DDX60L: variants seen among roughly 807,000 people sequenced by gnomAD.
DDX60L encodes the protein DExD/H-box 60 like.
In DDX60L, 191 loss-of-function variants were observed where a neutral mutation model predicts 211.6. That is an observed-to-expected ratio of 0.90 (90% CI 0.80 to 1.02). The LOEUF (loss-of-function observed/expected upper bound fraction) is 1.02, where lower values mean the gene tolerates loss of function less well. DDX60L is among the 50% of genes least tolerant of loss of function. The pLI, the probability that DDX60L is intolerant of heterozygous loss-of-function variation, is 0.00. For synonymous variants in DDX60L, 706 were observed against 694.1 expected, an observed-to-expected ratio of 1.02 and a Z score of -0.27; for missense variants, 2,007 against 1,984.1, an observed-to-expected ratio of 1.01 and a Z score of -0.22.
At chr4:168,396,223 A>T (rs1745763733) in intron 26 of DDX60L, 99 bp from the exon 27 acceptor site, 1 of 674,752 alleles carries the variant, frequency 1.5e-6, no homozygotes, top group Non-Finnish European at 2.4e-6. Flanking sequence ...TGGTCATCCG[A>T]CGTTGACAGT....
chr4:168,369,858 C>T (rs999024833), intron 36 of DDX60L, among the ~76,000 whole-genome samples: 1 of 152,008 alleles, frequency 6.6e-6, no homozygotes, highest in Non-Finnish European at 1.5e-5. Flanking sequence ...CAATCAAAAC[C>T]ACCATCAAAT....
At chr4:168,431,187 T>C (rs1014357818) in intron 12 of DDX60L, among the ~76,000 whole-genome samples, 1 of 152,162 alleles carries the variant, frequency 6.6e-6, no homozygotes, top group Non-Finnish European at 1.5e-5. Context: ...AGCTGACAGA[T>C]GCTGATACCA....
At chr4:168,461,511 GA>G (rs1359674092) in intron 5 of DDX60L, among the ~76,000 whole-genome samples, 187 bp downstream of exon 5, 1 of 152,050 alleles carries the variant, frequency 6.6e-6, no homozygotes, top group Non-Finnish European at 1.5e-5. Flanking sequence ...GAGAAATTTA[GA>G]AAAAGGAATT....
chr4:168,458,649 G>C (rs1184862616), intron 5 of DDX60L, among the ~76,000 whole-genome samples: 1 of 152,144 alleles, frequency 6.6e-6, no homozygotes, highest in East Asian at 1.9e-4. Flanking sequence ...ACTAGGGCCT[G>C]TTGGGGGAAC....
chr4:168,377,174 C>G (rs962254533), intron 33 of DDX60L, among the ~76,000 whole-genome samples: 3 of 152,084 alleles, frequency 2.0e-5, no homozygotes, highest in African/African-American at 7.2e-5. Flanking sequence ...AGCCTGTAAT[C>G]CCAGCTACTT....
At chr4:168,469,447 T>A (rs1046619777) in intron 4 of DDX60L, 8 of 152,190 alleles carry the variant, frequency 5.3e-5, no homozygotes, top group Admixed American at 4.6e-4. Flanking sequence ...GAATTATTAA[T>A]AAATATAGGA....
At chr4:168,438,095 G>A (rs1231450829) in intron 10 of DDX60L, among the ~76,000 whole-genome samples, 2 of 152,018 alleles carry the variant, frequency 1.3e-5, no homozygotes, top group Non-Finnish European at 2.9e-5. Flanking sequence ...GGATGGTCTC[G>A]ATCTCCTGAC....
chr4:168,422,999 G>GTGTGTGTGTGTGTGTGTGTGTGTT (rs551448406), intron 15 of DDX60L, among the ~76,000 whole-genome samples: 1 of 137,510 alleles, frequency 7.3e-6, no homozygotes, highest in African/African-American at 2.8e-5. Flanking sequence ...GTGTGTGTGT[G>GTGTGTGTGTGTGTGTGTGTGTGTT]TTGTAGAGAC....
At chr4:168,404,424 G>A (rs1261817333) in intron 24 of DDX60L, among the ~76,000 whole-genome samples, 1 of 151,962 alleles carries the variant, frequency 6.6e-6, no homozygotes, top group Non-Finnish European at 1.5e-5. Context: ...GTGACAAAGG[G>A]TTTCTCCAGT....
At chr4:168,424,591 T>C (rs1424650667) in intron 14 of DDX60L, among the ~76,000 whole-genome samples, 1 of 152,100 alleles carries the variant, frequency 6.6e-6, no homozygotes, top group Admixed American at 6.6e-5. Flanking sequence ...AACAGATCAG[T>C]AAAATATCTA....
intron 5 of DDX60L, among the ~76,000 whole-genome samples, chr4:168,460,499 AG>A (rs1469634756): frequency 6.6e-6 from 1 of 152,164 alleles, no homozygotes; most frequent in Non-Finnish European, 1.5e-5. Flanking sequence ...CTTGCTTTCC[AG>A]GATCTGGGCG....
rs1258191140 is a variant in DDX60L at position 168,422,522 on chromosome 4, ACCTG to A, written c.2242_2244+1del. ...GAAAAGTACAATGTTTGTTGTCATT[ACCTG>A]CCATGCGTTGGGAATAAAATCCTGG... is the stretch of plus-strand genomic sequence containing the variant. On this transcript the variant is annotated splice_donor_variant and coding_sequence_variant, in exon 16 of 38. Transcript: ENST00000682922. LOFTEE classifies it high-confidence loss of function. 3.7e-6 allele frequency: 6 copies of A among 1,606,396 alleles called. No individual in the cohort carries two copies. The South Asian group carries it at 5.6e-5, about 15-fold the overall frequency.
intron 29 of DDX60L, chr4:168,390,075 C>A: frequency 2.1e-6 from 2 of 951,332 alleles, no homozygotes; most frequent in Non-Finnish European, 2.5e-6. Flanking sequence ...TGCCACCTGA[C>A]CCTCGAGAAA....
At chr4:168,461,018 C>T (rs531367217) in intron 5 of DDX60L, among the ~76,000 whole-genome samples, 36 of 152,254 alleles carry the variant, frequency 2.4e-4, no homozygotes, top group Admixed American at 6.5e-4. Context: ...CCTGGGTGCA[C>T]CACCCTCCCA....
At position 168,471,794 on chromosome 4, in the gene DDX60L, C is replaced by A. The variant is rs767225895; in HGVS notation, c.217G>T (p.Val73Leu). The A allele has an allele frequency of 1.9e-6, 3 of 1,612,362 alleles. No individual in the cohort carries two copies. The highest frequency in any genetic ancestry group is 1.7e-6 in the Non-Finnish European group (2 of 1,179,614). ...HFFYLVECYL[V>L]DLLSNGGQFT... Reference sequence around the variant, plus strand: ...TGTCCTCCGTTACTCAGAAGATCCACAAGATAGCATTCAACCAGATAGAAA... The same window carrying A: ...TGTCCTCCGTTACTCAGAAGATCCAAAAGATAGCATTCAACCAGATAGAAA... The change falls in exon 4 of 38, where the codon GTG becomes TTG. Residue 73 changes from valine (V) to leucine (L), a missense_variant. Coordinates refer to ENST00000682922, the MANE Select transcript of DDX60L (RefSeq NM_001012967.3).
intron 30 of DDX60L, among the ~76,000 whole-genome samples, chr4:168,384,278 T>A (rs1267373788): frequency 6.6e-6 from 1 of 151,720 alleles, no homozygotes; most frequent in Non-Finnish European, 1.5e-5. Flanking sequence ...AGCCCAGGAG[T>A]TTGAGACCAG....
At position 168,420,383 on chromosome 4, in the gene DDX60L, G is replaced by A; in HGVS notation, c.2395-3C>T. On this transcript the variant is annotated splice_region_variant and splice_polypyrimidine_tract_variant and intron_variant, in intron 17 of 37. Coordinates refer to ENST00000682922, the MANE Select transcript of DDX60L (RefSeq NM_001012967.3). ...GCAGCCACTTGACCAACAAGGGACT[G>A]ATTGACAAGAAAAAAAACCATTAGT... 6.2e-7 allele frequency: 1 copy of A among 1,600,928 alleles called. No homozygotes were observed. Among genetic ancestry groups the A allele is most frequent in the African/African-American group, 1.4e-5 (1 of 73,866 alleles).
chr4:168,372,014 GGGAAATA>G (rs1275162547), intron 35 of DDX60L, among the ~76,000 whole-genome samples: 2 of 152,042 alleles, frequency 1.3e-5, no homozygotes, highest in South Asian at 4.1e-4. Flanking sequence ...GCACCGCTGA[GGGAAATA>G]GGAACTCTCA....
Position 168,405,938 on chromosome 4 carries a change from T to C in DDX60L, c.3213+12A>G, listed in dbSNP as rs747496058. On this transcript the variant is annotated intron_variant, in intron 24 of 37. Coordinates refer to ENST00000682922, the MANE Select transcript of DDX60L (RefSeq NM_001012967.3). ...TTAAGTGAAACTTTGTCCAAGAAAGTGTGAAAATTACCTTCTTCACTTGGC... is the reference window on the plus strand; with the variant it reads ...TTAAGTGAAACTTTGTCCAAGAAAGCGTGAAAATTACCTTCTTCACTTGGC... The C allele has an allele frequency of 1.3e-6, 2 of 1,556,598 alleles. No homozygotes were observed. Among genetic ancestry groups the C allele is most frequent in the East Asian group, 4.6e-5 (2 of 43,360 alleles).
Sources: allele counts gnomAD v4.1 joint callset (sites outside exome capture counted in the v4.1 genomes callset), GRCh38; gene constraint gnomAD v4.1.1; transcripts MANE v1.5; gene names NCBI Gene and HGNC (gene_info 2026-07-23, HGNC 2026-07-21).